The following SIRT2 variants were observed in gnomAD, a reference collection of about 807,000 sequenced individuals.
The protein encoded by SIRT2 is NAD-dependent protein deacetylase sirtuin-2.
In SIRT2, 40 loss-of-function variants were observed where a neutral mutation model predicts 57.4. The observed-to-expected ratio is 0.70, with a 90% confidence interval of 0.54 to 0.91. SIRT2 has a LOEUF of 0.91. Among genes scored for constraint, SIRT2 ranks in the 40% least tolerant of loss-of-function variants. The probability of loss-of-function intolerance (pLI) is 0.00; values close to 1 mark genes in which losing one functional copy is unlikely to be tolerated. For synonymous variants in SIRT2, 161 were observed against 195.7 expected, an observed-to-expected ratio of 0.82 and a Z score of 1.48; for missense variants, 439 against 510.4, an observed-to-expected ratio of 0.86 and a Z score of 1.35.
intron 2 of SIRT2, among the ~76,000 whole-genome samples, chr19:38,898,061 G>A (rs963692795): frequency 6.6e-6 from 1 of 152,190 alleles, no homozygotes; most frequent in African/African-American, 2.4e-5. Context: ...ACTTGTCCAC[G>A]AGATCTGTGC....
Position 38,880,988 on chromosome 19 carries a change from C to A in SIRT2, c.748-91G>T. On this transcript the variant is annotated intron_variant, in intron 11 of 15. Coordinates refer to ENST00000249396, the MANE Select transcript of SIRT2 (RefSeq NM_012237.4). This position sits in a 1 kb window ranked among gnomAD's most constrained non-coding sequence, Gnocchi z 4.1. Reference sequence around the variant, plus strand: ...CCAGCAGCAAACCTCCCTGCCGCCCCCCATAGCTGGGGAGGTGACCTTTCC... The same window carrying A: ...CCAGCAGCAAACCTCCCTGCCGCCCACCATAGCTGGGGAGGTGACCTTTCC... 3 of 1,545,874 alleles carry A rather than the reference C, an allele frequency of 1.9e-6. No individual in the cohort carries two copies. Among genetic ancestry groups the A allele is most frequent in the Non-Finnish European group, 2.7e-6 (3 of 1,125,412 alleles).
At chr19:38,882,140 C>T (rs568256370) in intron 9 of SIRT2, among the ~76,000 whole-genome samples, 1 of 151,990 alleles carries the variant, frequency 6.6e-6, no homozygotes, top group South Asian at 2.1e-4. Context: ...CCTTAGCCTC[C>T]CGAGTAGCTG....
At chr19:38,882,783 T>G (rs1973196063) in intron 9 of SIRT2, among the ~76,000 whole-genome samples, 1 of 152,196 alleles carries the variant, frequency 6.6e-6, no homozygotes, top group Non-Finnish European at 1.5e-5. Context: ...TTCTTTAAAA[T>G]ATTTCTGCAT....
At chr19:38,886,683 G>A (rs1408200997) in intron 8 of SIRT2, among the ~76,000 whole-genome samples, 4 of 150,486 alleles carry the variant, frequency 2.7e-5, no homozygotes, top group Admixed American at 6.6e-5. Flanking sequence ...GTGCAATGGC[G>A]GAATCTTGGC....
intron 8 of SIRT2, among the ~76,000 whole-genome samples, chr19:38,887,228 A>G (rs1600115328): frequency 1.3e-5 from 2 of 152,242 alleles, no homozygotes; most frequent in East Asian, 3.9e-4. Context: ...TTATATGCTC[A>G]GTATATGGTG....
chr19:38,889,570 C>T, intron 7 of SIRT2, 119 bp downstream of exon 7: 10 of 1,151,996 alleles, frequency 8.7e-6, no homozygotes, highest in Non-Finnish European at 1.3e-5. Flanking sequence ...GCAGTCTGGG[C>T]CCAGCACCCA....
chr19:38,882,712 T>TC (rs60606374), intron 9 of SIRT2, among the ~76,000 whole-genome samples: 63,023 of 151,970 alleles, frequency 0.41, 13,424 homozygotes, highest in East Asian at 0.69. Flanking sequence ...TGCTCAACTG[T>TC]CCATTCATTC....
Position 38,880,545 on chromosome 19 carries a change from C to A in SIRT2, c.876+140G>T, listed in dbSNP as rs1047253923. The A allele has an allele frequency of 6.4e-6, 4 of 629,650 alleles. No homozygotes were observed. Among genetic ancestry groups the A allele is most frequent in the Non-Finnish European group, 1.1e-5 (4 of 356,976 alleles). The allele number at this position is 629,650 out of a possible 1,614,324, so 39.0% of individuals were successfully genotyped here. ...AATGTCCCAGAGGCCTGGAACCCGACCCCTCTGGATTCTAGAGCCCCAGGT... is the reference window on the plus strand; with the variant it reads ...AATGTCCCAGAGGCCTGGAACCCGAACCCTCTGGATTCTAGAGCCCCAGGT... On this transcript the variant is annotated intron_variant, in intron 13 of 15. Coordinates refer to ENST00000249396, the MANE Select transcript of SIRT2 (RefSeq NM_012237.4). This position sits in a 1 kb window ranked among gnomAD's most constrained non-coding sequence, Gnocchi z 4.1.
At chr19:38,890,941 G>C (rs2144691945) in intron 4 of SIRT2, among the ~76,000 whole-genome samples, 1 of 152,350 alleles carries the variant, frequency 6.6e-6, no homozygotes, top group Middle Eastern at 3.4e-3. Flanking sequence ...AAGGTGAACA[G>C]AGCACAAAGC....
intron 7 of SIRT2, 133 bp downstream of exon 7, chr19:38,889,556 C>A: frequency 1.0e-6 from 1 of 994,978 alleles, no homozygotes; most frequent in Non-Finnish European, 1.5e-6. Flanking sequence ...GGACTTGAAC[C>A]GAGGCAGTCT....
intron 4 of SIRT2, among the ~76,000 whole-genome samples, chr19:38,891,060 A>G (rs1168395455): frequency 3.3e-5 from 5 of 152,266 alleles, no homozygotes; most frequent in Non-Finnish European, 7.3e-5. Flanking sequence ...CTGGGGTCAA[A>G]TCCTGGCTCT....
chr19:38,893,771 C>T lies in SIRT2; in HGVS notation c.112+48G>A, dbSNP rs767070454. ...CACCCACACCCCTGCCCTGAAATCC[C>T]CCCGCCCCCCAGAACCCTGCTCCCT... On this transcript the variant is annotated intron_variant, in intron 3 of 15. Transcript: ENST00000249396. 3.7e-6 allele frequency: 6 copies of T among 1,607,868 alleles called. No homozygotes were observed. The African/African-American group carries it at 8.0e-5, about 21-fold the overall frequency.
Position 38,894,330 on chromosome 19 carries a change from G to C in SIRT2, c.64-463C>G, listed in dbSNP as rs550609164. 1.3e-4 allele frequency: 26 copies of C among 194,896 alleles called. No individual in the cohort carries two copies. The South Asian group carries it at 2.2e-3, about 17-fold the overall frequency. 12.1% of individuals were successfully genotyped at this position (194,896 alleles called of 1,614,324 possible). A position where few individuals can be genotyped will look rare whatever the true frequency, so the allele number is the denominator to read the frequency against. On this transcript the variant is annotated intron_variant, in intron 2 of 15. Transcript: ENST00000249396. ...TTCCTCTGTTGCCCAGGGTGGTCTT[G>C]AACTCCTGGGCTCAAGCAAGTCTCC...
intron 7 of SIRT2, 83 bp from the exon 8 acceptor site, chr19:38,889,238 AC>A: frequency 7.6e-7 from 1 of 1,309,720 alleles, no homozygotes; most frequent in Non-Finnish European, 1.1e-6. Flanking sequence ...TGTTCTAGGC[AC>A]TGTGACTGTT....
At chr19:38,896,190 T>C (rs922518021) in intron 2 of SIRT2, among the ~76,000 whole-genome samples, 1 of 152,180 alleles carries the variant, frequency 6.6e-6, no homozygotes, top group African/African-American at 2.4e-5. Context: ...TTCAACAACA[T>C]ATAACTTGCG....
At chr19:38,883,087 T>TG (rs1396678591) in intron 9 of SIRT2, among the ~76,000 whole-genome samples, 7 of 150,176 alleles carry the variant, frequency 4.7e-5, no homozygotes, top group South Asian at 4.2e-4. Context: ...TTTTTTTTTT[T>TG]TTTTTTTTTT....
Position 38,894,993 on chromosome 19 carries a change from C to A in SIRT2, c.64-1126G>T, listed in dbSNP as rs10409184. ...AATGGACCCTGGCATCTCCTCCAAG[C>A]CCATCCTCCTCCCAGGCCTCATCTC... On this transcript the variant is annotated intron_variant, in intron 2 of 15. Transcript: ENST00000249396. The A allele has an allele frequency of 7.0e-3, 3,147 of 452,444 alleles. 84 individuals carry two copies. The highest frequency in any genetic ancestry group is 0.053 in the African/African-American group (2,630 of 49,998). 28.0% of individuals were successfully genotyped at this position (452,444 alleles called of 1,614,324 possible).
In SIRT2 at chr19:38,881,470, G is replaced by A. The variant is rs142022596; in HGVS notation, c.653C>T (p.Thr218Met). ...WMKEKIFSEV[T>M]PKCEDCQSLV... is the part of the protein sequence containing the mutation. ...GCTCTGACAGTCTTCACACTTGGGC[G>A]TCACCTCAGAGAAGATCTTCTCTGG... The change falls in exon 10 of 16, where the codon ACG (threonine) becomes ATG (methionine). Residue 218 changes from threonine to methionine, a missense_variant. Transcript: ENST00000249396. 3.2e-5 allele frequency: 52 copies of A among 1,613,884 alleles called. No homozygotes were observed. The highest frequency in any genetic ancestry group is 2.7e-4 in the Admixed American group (16 of 59,992).
intron 2 of SIRT2, 107 bp from the exon 3 acceptor site, chr19:38,893,974 G>A: frequency 6.4e-7 from 1 of 1,573,534 alleles, no homozygotes; most frequent in Non-Finnish European, 8.6e-7. Flanking sequence ...AAGGTGGCCT[G>A]AGGAAGTGCG....
Sources: allele counts gnomAD v4.1 joint callset (sites outside exome capture counted in the v4.1 genomes callset), GRCh38; gene constraint gnomAD v4.1.1; non-coding constraint Gnocchi (gnomAD v3.1); transcripts MANE v1.5; gene names NCBI Gene and HGNC (gene_info 2026-07-23, HGNC 2026-07-21).